CDKL3: variants seen among roughly 807,000 people sequenced by gnomAD.
CDKL3 encodes the protein cyclin dependent kinase like 3.
CDKL3 carries 65 observed loss-of-function variants against 69.3 expected under a neutral mutation model. That is an observed-to-expected ratio of 0.94 (90% CI 0.77 to 1.15). The LOEUF (loss-of-function observed/expected upper bound fraction) is 1.15. CDKL3 is among the 50% of genes most tolerant of loss of function. CDKL3 has a pLI of 0.00. For missense variants in CDKL3, 652 were observed against 689.2 expected (o/e 0.95, Z 0.61); for synonymous variants, 202 against 221.6 (o/e 0.91, Z 0.79).
At chr5:134,300,609 A>G (rs536786907) in intron 12 of CDKL3, among the ~76,000 whole-genome samples, 15 of 152,346 alleles carry the variant, frequency 9.8e-5, no homozygotes, top group African/African-American at 2.9e-4. Context: ...TCAGAGCTGC[A>G]TTTGAATAAG....
downstream of CDKL3, chr5:134,298,216 G>A (rs1765488897): frequency 5.1e-6 from 5 of 978,320 alleles, no homozygotes; most frequent in Non-Finnish European, 6.1e-6. Context: ...TTACAGGCAT[G>A]AGCCATTGCA....
chr5:134,367,196 T>C (rs905338116), upstream of CDKL3: 16 of 985,498 alleles, frequency 1.6e-5, no homozygotes, highest in Middle Eastern at 1.0e-3. Flanking sequence ...GACCGGAACA[T>C]GGGCAGGGTC....
intron 4 of CDKL3, among the ~76,000 whole-genome samples, chr5:134,338,621 A>T (rs181347186): frequency 4.9e-4 from 75 of 152,282 alleles, no homozygotes; most frequent in African/African-American, 1.8e-3. Context: ...ACTTGAAAAG[A>T]GGAGGCAGAG....
chr5:134,284,446 G>A (rs1764765755), downstream of CDKL3, among the ~76,000 whole-genome samples: 1 of 152,204 alleles, frequency 6.6e-6, no homozygotes, highest in Admixed American at 6.5e-5. Context: ...GGCAGAGCAA[G>A]ATTACAAGGC....
intron 2 of CDKL3, among the ~76,000 whole-genome samples, chr5:134,361,519 A>T (rs941828870): frequency 7.9e-5 from 12 of 152,376 alleles, no homozygotes; most frequent in Middle Eastern, 3.4e-3. Context: ...TCCAAAATAT[A>T]ACACCAGATT....
chr5:134,310,928 A>T (rs962018235), intron 7 of CDKL3, among the ~76,000 whole-genome samples: 1 of 152,210 alleles, frequency 6.6e-6, no homozygotes, highest in Non-Finnish European at 1.5e-5. Context: ...ACTCTTCCAT[A>T]TCTGACCTTA....
Position 134,366,977 on chromosome 5 carries a change from C to A in CDKL3, c.-22G>T. The A allele has an allele frequency of 1.0e-6, 1 of 989,234 alleles. No individual in the cohort carries two copies. Among genetic ancestry groups the A allele is most frequent in the Non-Finnish European group, 1.2e-6 (1 of 832,460 alleles). The allele number at this position is 989,234 out of a possible 1,614,324, so 61.3% of individuals were successfully genotyped here. On this transcript the variant is annotated splice_region_variant and 5_prime_UTR_variant, in exon 1 of 13. Transcript: ENST00000265334. The stretch of plus-strand genomic sequence containing the variant: ...AACCACACGTCTTAGGATGCCGGAC[C>A]GGCGTCACGCCCCACGTCCCGCTGT...
chr5:134,345,583 T>G (rs1473275234), intron 4 of CDKL3, among the ~76,000 whole-genome samples: 5 of 151,488 alleles, frequency 3.3e-5, no homozygotes, highest in Non-Finnish European at 7.4e-5. Context: ...GGAGATGGGG[T>G]GGGGCTGTTT....
At chr5:134,349,688 G>A (rs1352251958) in intron 4 of CDKL3, among the ~76,000 whole-genome samples, 1 of 152,206 alleles carries the variant, frequency 6.6e-6, no homozygotes, top group East Asian at 1.9e-4. Context: ...AGGGATGTCT[G>A]CATAGGTCTT....
intron 6 of CDKL3, among the ~76,000 whole-genome samples, chr5:134,313,113 G>A (rs1770017609): frequency 6.6e-6 from 1 of 152,136 alleles, no homozygotes; most frequent in African/African-American, 2.4e-5. Context: ...TGTAGAGATG[G>A]GAGTCTTGTT....
chr5:134,321,060 G>T (rs1443865935), intron 5 of CDKL3, among the ~76,000 whole-genome samples: 12 of 139,572 alleles, frequency 8.6e-5, no homozygotes, highest in Non-Finnish European at 1.2e-4. Context: ...CCAGGCTGGA[G>T]TGCAGTGGCG....
At chr5:134,315,051 A>G (rs1365334349) in intron 6 of CDKL3, among the ~76,000 whole-genome samples, 1 of 152,204 alleles carries the variant, frequency 6.6e-6, no homozygotes. Flanking sequence ...TGTGCCCTAC[A>G]TCAGATATCA....
chr5:134,295,829 G>A (rs1445733095), downstream of CDKL3, among the ~76,000 whole-genome samples: 1 of 152,166 alleles, frequency 6.6e-6, no homozygotes, highest in Non-Finnish European at 1.5e-5. Flanking sequence ...TTATGAAATA[G>A]AACAAGTCTG....
At chr5:134,315,593 CA>C (rs1770826209) in intron 6 of CDKL3, among the ~76,000 whole-genome samples, 1 of 152,050 alleles carries the variant, frequency 6.6e-6, no homozygotes, top group African/African-American at 2.4e-5. Flanking sequence ...CTTGGCCTCC[CA>C]AAGTGCTGGG....
chr5:134,344,937 C>T (rs771169045), intron 4 of CDKL3, among the ~76,000 whole-genome samples: 4 of 151,920 alleles, frequency 2.6e-5, no homozygotes, highest in East Asian at 1.9e-4. Flanking sequence ...TGGTGCCATG[C>T]GCCTGTAGTC....
chr5:134,304,262 G>T, intron 11 of CDKL3, 143 bp downstream of exon 11: 1 of 646,652 alleles, frequency 1.5e-6, no homozygotes, highest in Non-Finnish European at 2.5e-6. Context: ...TTGACAATGG[G>T]GAGAAAATCT....
chr5:134,354,764 T>C (rs1201057506), intron 3 of CDKL3, among the ~76,000 whole-genome samples: 2 of 151,912 alleles, frequency 1.3e-5, no homozygotes, highest in African/African-American at 2.4e-5. Flanking sequence ...CTGGCCAACA[T>C]GGTGAAACCC....
chr5:134,322,957 C>T (rs1282102472), intron 4 of CDKL3, among the ~76,000 whole-genome samples: 2 of 140,850 alleles, frequency 1.4e-5, no homozygotes, highest in African/African-American at 5.4e-5. Flanking sequence ...CTAGCCTGGG[C>T]AACAAGAGCA....
intron 3 of CDKL3, among the ~76,000 whole-genome samples, chr5:134,352,294 T>A (rs762755257): frequency 3.3e-5 from 5 of 150,098 alleles, no homozygotes; most frequent in African/African-American, 1.2e-4. Context: ...AATGGACACT[T>A]AGGTTGATTT....
Sources: allele counts gnomAD v4.1 joint callset (sites outside exome capture counted in the v4.1 genomes callset), GRCh38; gene constraint gnomAD v4.1.1; transcripts MANE v1.5; gene names NCBI Gene and HGNC (gene_info 2026-07-23, HGNC 2026-07-21).